The following SNX18 variants were observed in gnomAD, a reference collection of about 807,000 sequenced individuals.
SNX18 encodes the protein sorting nexin 18.
In SNX18, 35 loss-of-function variants were observed where a neutral mutation model predicts 48.7. The ratio of observed to expected loss-of-function variants is 0.72; its 90% CI spans 0.55 to 0.95. SNX18 has a LOEUF of 0.95. SNX18 is among the 40% of genes least tolerant of loss of function. SNX18 has a pLI of 0.00. For synonymous variants in SNX18, 492 were observed against 384.7 expected (o/e 1.28, Z -3.26); for missense variants, 824 against 871.0 (o/e 0.95, Z 0.68).
At chr5:54,636,098 A>C in the SNX18 span, among the ~76,000 whole-genome samples, 1 of 152,160 alleles carries the variant, frequency 6.6e-6, no homozygotes, top group African/African-American at 2.4e-5. Flanking sequence ...TGGGTGCTCC[A>C]ATCCTCTGGG....
downstream of SNX18, among the ~76,000 whole-genome samples, chr5:54,548,953 G>A (rs1254120276): frequency 1.3e-5 from 2 of 152,170 alleles, no homozygotes; most frequent in African/African-American, 4.8e-5. Context: ...GTATACTTCA[G>A]ATCATCTCTT....
chr5:54,636,074 G>A, the SNX18 span, among the ~76,000 whole-genome samples: 22 of 152,244 alleles, frequency 1.4e-4, no homozygotes, highest in South Asian at 4.1e-3. Context: ...ACCAGCTTAG[G>A]AGAAAGGCTT....
chr5:54,543,515 C>T lies in SNX18; in HGVS notation c.*83C>T. The T allele has an allele frequency of 6.6e-7, 1 of 1,509,558 alleles. No homozygotes were observed. Among genetic ancestry groups the T allele is most frequent in the Non-Finnish European group, 9.0e-7 (1 of 1,112,114 alleles). 93.5% of individuals were successfully genotyped at this position (1,509,558 alleles called of 1,614,324 possible). ...AAAAACTGCTGTCAAAGAGCTATTG[C>T]CAGCTATCAGTGGTGGTACAAGGAC... On this transcript the variant is annotated 3_prime_UTR_variant, in exon 2 of 2. Coordinates refer to ENST00000381410, the MANE Select transcript of SNX18 (RefSeq NM_001102575.2).
the SNX18 span, chr5:54,644,125 A>C: frequency 1.3e-5 from 2 of 152,238 alleles, no homozygotes; most frequent in African/African-American, 2.4e-5. Context: ...ATCTGTTGTC[A>C]CAGTAGCCAT....
chr5:54,523,917 GA>G (rs1366236434), intron 1 of SNX18, among the ~76,000 whole-genome samples: 8 of 152,302 alleles, frequency 5.3e-5, no homozygotes, highest in African/African-American at 1.9e-4. Context: ...AAATAGCCCT[GA>G]AAGGGTGGTG....
At chr5:54,576,099 TA>T in the SNX18 span, among the ~76,000 whole-genome samples, 1 of 152,052 alleles carries the variant, frequency 6.6e-6, no homozygotes, top group Non-Finnish European at 1.5e-5. Flanking sequence ...CCCACAGGGG[TA>T]GAGGAGAGCT....
rs56135730 is a variant in SNX18 at position 54,534,237 on chromosome 5, CT to C, written c.1622-8928del. ...AATTAAATAAGGTGCTTTCTTTTTT[CT>C]TTTTTTTTTTTTTAAGGGAGAAAAT... is the stretch of plus-strand genomic sequence containing the variant. On this transcript the variant is annotated intron_variant, in intron 1 of 1. Coordinates refer to ENST00000381410, the MANE Select transcript of SNX18 (RefSeq NM_001102575.2). Among the ~76,000 whole-genome samples the C allele has an allele frequency of 4.1e-3, 585 of 143,530 alleles. 2 individuals carry two copies. Among genetic ancestry groups the C allele is most frequent in the African/African-American group, 0.011 (428 of 38,852 alleles). 94.2% of individuals were successfully genotyped at this position (143,530 alleles called of 152,430 possible). A position where few individuals can be genotyped will look rare whatever the true frequency, so the allele number is the denominator to read the frequency against.
the SNX18 span, among the ~76,000 whole-genome samples, chr5:54,571,274 G>A: frequency 5.9e-5 from 9 of 152,270 alleles, no homozygotes; most frequent in East Asian, 9.7e-4. Context: ...AGCAGCAGGC[G>A]AGGCTGTCCA....
chr5:54,519,441 G>A lies in SNX18; in HGVS notation c.1489G>A (p.Gly497Arg). The part of the protein sequence containing the change: ...VGLNQAIAFT[G>R]DAYDAIGELF... ...CCTGAACCAGGCTATCGCCTTCACC[G>A]GAGATGCCTATGACGCCATTGGCGA... Residue 497 changes from glycine to arginine, a missense_variant, in exon 1 of 2, where the codon GGA becomes AGA. By Grantham distance (125) the Gly-to-Arg change is moderately radical. Coordinates refer to ENST00000381410, the MANE Select transcript of SNX18 (RefSeq NM_001102575.2). 2 of 1,614,100 alleles carry A rather than the reference G, an allele frequency of 1.2e-6. No homozygotes were observed. The highest frequency in any genetic ancestry group is 1.7e-6 in the Non-Finnish European group (2 of 1,180,042).
intron 1 of SNX18, among the ~76,000 whole-genome samples, chr5:54,531,668 A>G (rs915601752): frequency 1.3e-5 from 2 of 152,206 alleles, no homozygotes; most frequent in African/African-American, 4.8e-5. Context: ...GGATGTGGTC[A>G]GAGTAAAGAC....
chr5:54,566,334 G>C, the SNX18 span, among the ~76,000 whole-genome samples: 2 of 152,168 alleles, frequency 1.3e-5, no homozygotes, highest in Non-Finnish European at 2.9e-5. Flanking sequence ...CAACAAGAAA[G>C]GTAGGTTATT....
At chr5:54,552,767 C>T in the SNX18 span, among the ~76,000 whole-genome samples, 6 of 151,752 alleles carry the variant, frequency 4.0e-5, no homozygotes, top group Non-Finnish European at 7.4e-5. Flanking sequence ...TACTTTCTAG[C>T]TAGTAGGTGA....
chr5:54,577,547 A>G, the SNX18 span, among the ~76,000 whole-genome samples: 1 of 152,104 alleles, frequency 6.6e-6, no homozygotes, highest in Non-Finnish European at 1.5e-5. Context: ...GAGTTTACGC[A>G]ACTTGCCCAC....
chr5:54,535,037 T>C (rs1762326670), intron 1 of SNX18, among the ~76,000 whole-genome samples: 1 of 152,248 alleles, frequency 6.6e-6, no homozygotes, highest in Admixed American at 6.5e-5. Context: ...TTTTTAAAAA[T>C]TTGAGCCTTT....
chr5:54,586,000 G>A, the SNX18 span, among the ~76,000 whole-genome samples: 47 of 139,344 alleles, frequency 3.4e-4, no homozygotes, highest in East Asian at 1.7e-3. Flanking sequence ...GCGAGACTCC[G>A]TCTCAAAAAA....
At chr5:54,540,807 G>C (rs1358278020) in intron 1 of SNX18, among the ~76,000 whole-genome samples, 1 of 142,020 alleles carries the variant, frequency 7.0e-6, no homozygotes, top group Non-Finnish European at 1.5e-5. Context: ...AGGATCCTGC[G>C]TACTGGTCCT....
rs536255107 is a variant in SNX18, at chr5:54,518,346, G to A, written c.394G>A (p.Ala132Thr). ...CGCGGGCTTCCCGTACGGCGGGGGC[G>A]CCCTGCAGCCGTCGCCTCAGCAGCT... ...PGAGFPYGGG[A>T]LQPSPQQLYG... The change falls in exon 1 of 2, where the codon GCC becomes ACC. Residue 132 changes from alanine (A) to threonine (T), a missense_variant. Physicochemically the swap from Ala to Thr is moderately conservative, Grantham distance 58 (BLOSUM62 0). Transcript: ENST00000381410. 298 of 1,525,424 alleles carry A rather than the reference G, an allele frequency of 2.0e-4. No homozygotes were observed. In the African/African-American group the frequency reaches 2.9e-3, roughly 15 times the overall value. The allele number at this position is 1,525,424 out of a possible 1,614,324, so 94.5% of individuals were successfully genotyped here.
Position 54,517,962 on chromosome 5 carries a change from C to T in SNX18, c.10C>T (p.Arg4Cys), listed in dbSNP as rs1300981657. MAL[R>C]ARALYDFRSE... ...TCGGGGCGCCGGGACCATGGCGCTG[C>T]GCGCCCGGGCGCTGTACGACTTCAG... Residue 4 changes from arginine to cysteine, a missense_variant, in exon 1 of 2, where the codon CGC becomes TGC. Arg to Cys is a radical substitution (Grantham distance 180). This residue lies in a region of SNX18 where 377 missense variants were observed against 350.6 expected (regional missense o/e 1.08). Coordinates refer to ENST00000381410, the MANE Select transcript of SNX18 (RefSeq NM_001102575.2). 12 of 1,514,726 alleles carry T rather than the reference C, an allele frequency of 7.9e-6. No homozygotes were observed. Among genetic ancestry groups the T allele is most frequent in the African/African-American group, 1.4e-5 (1 of 69,316 alleles). 93.8% of individuals were successfully genotyped at this position (1,514,726 alleles called of 1,614,324 possible). A position where few individuals can be genotyped will look rare whatever the true frequency, so the allele number is the denominator to read the frequency against.
the SNX18 span, among the ~76,000 whole-genome samples, chr5:54,582,741 A>G: frequency 2.0e-5 from 3 of 152,224 alleles, no homozygotes; most frequent in Non-Finnish European, 2.9e-5. Flanking sequence ...GCAGTGAGCT[A>G]CGGCAACAGA....
Sources: allele counts gnomAD v4.1 joint callset (sites outside exome capture counted in the v4.1 genomes callset), GRCh38; gene constraint gnomAD v4.1.1; regional missense constraint gnomAD v4.1.1; transcripts MANE v1.5; gene names NCBI Gene and HGNC (gene_info 2026-07-23, HGNC 2026-07-21).